Variants in BRWD3 observed in about 807,000 individuals in gnomAD.
The protein encoded by BRWD3 is bromodomain and WD repeat domain containing 3.
A neutral mutation model predicts 149.7 loss-of-function variants in BRWD3; 10 were observed. The observed-to-expected ratio is 0.07, with a 90% CI of 0.04 to 0.11. BRWD3 has a LOEUF of 0.11. BRWD3 is among the 10% of genes least tolerant of loss of function. The probability of loss-of-function intolerance (pLI) is 1.00; values close to 1 mark genes in which losing one functional copy is unlikely to be tolerated. For missense variants in BRWD3, 940 were observed against 1,373.2 expected (o/e 0.68, Z 4.99); for synonymous variants, 504 against 456.7 (o/e 1.10, Z -1.32).
rs1241004208 is a variant in BRWD3 at position 80,691,938 on chromosome X, G to C, written c.3366C>G (p.Ser1122=). ...ATAGCAAAGCAGTCAATTCTTCCTG[G>C]GAGACAGGAACACCAGCACCAACTT... The part of the protein sequence containing the change: ...PDEVGAGVPV[S]QEELTALLYK... The change falls in exon 30 of 41, where the codon TCC becomes TCG. Residue 1122 remains serine (S), a synonymous_variant. Coordinates refer to ENST00000373275, the MANE Select transcript of BRWD3 (RefSeq NM_153252.5). The C allele has an allele frequency of 1.7e-6, 2 of 1,208,736 alleles. No individual in the cohort carries two copies. The highest frequency in any genetic ancestry group is 2.3e-4 in the Middle Eastern group (1 of 4,342).
At chrX:80,701,420 C>T (rs983100372) in intron 24 of BRWD3, among the ~76,000 whole-genome samples, 2 of 106,589 alleles carry the variant, frequency 1.9e-5, no homozygotes, top group Admixed American at 2.0e-4. Flanking sequence ...TGGTGGTGCA[C>T]GCCTGTAATC....
chrX:80,809,252 G>T lies in BRWD3; in HGVS notation c.84C>A (p.Ser28=). Reference sequence around the variant, plus strand: ...ATCTCTTTCTTCCCCTTACCTGAGCGGATTTGTTGCAGGGTCCAGACTGCA... The same window carrying T: ...ATCTCTTTCTTCCCCTTACCTGAGCTGATTTGTTGCAGGGTCCAGACTGCA... ...RFLQSGPCNK[S]AQVLVQELEE... The change falls in exon 2 of 41, where the codon TCC becomes TCA. Residue 28 remains serine, a synonymous_variant. Coordinates refer to ENST00000373275, the MANE Select transcript of BRWD3 (RefSeq NM_153252.5). 1.7e-6 allele frequency: 2 copies of T among 1,199,150 alleles called. No individual in the cohort carries two copies. The highest frequency in any genetic ancestry group is 2.3e-6 in the Non-Finnish European group (2 of 888,059).
intron 14 of BRWD3, among the ~76,000 whole-genome samples, chrX:80,725,848 ATG>A (rs2073217409): frequency 9.4e-6 from 1 of 106,010 alleles, no homozygotes; most frequent in African/African-American, 3.5e-5. Context: ...CATGTGTTAC[ATG>A]CCTATATAAC....
intron 6 of BRWD3, among the ~76,000 whole-genome samples, chrX:80,747,320 A>G (rs2073606750): frequency 9.2e-6 from 1 of 109,241 alleles, no homozygotes; most frequent in African/African-American, 3.3e-5. Context: ...TGCTGTGGGG[A>G]CTTTCCATTG....
intron 6 of BRWD3, among the ~76,000 whole-genome samples, chrX:80,767,035 G>T (rs1393566796): frequency 1.8e-5 from 2 of 112,673 alleles, no homozygotes; most frequent in East Asian, 5.6e-4. Context: ...AGATCGACCT[G>T]CAAGGCAGTG....
intron 6 of BRWD3, among the ~76,000 whole-genome samples, chrX:80,778,758 A>G (rs1253883790): frequency 8.9e-6 from 1 of 112,438 alleles, no homozygotes; most frequent in Non-Finnish European, 1.9e-5. Context: ...CAGCACTTTG[A>G]GAGGCCAAGG....
intron 20 of BRWD3, among the ~76,000 whole-genome samples, chrX:80,711,253 A>G (rs2072963447): frequency 9.0e-6 from 1 of 111,489 alleles, no homozygotes; most frequent in Admixed American, 9.6e-5. Context: ...CTGATCTTTT[A>G]TTTCTCTTGC....
intron 6 of BRWD3, among the ~76,000 whole-genome samples, chrX:80,748,748 A>G (rs2073627176): frequency 3.6e-5 from 4 of 110,925 alleles, no homozygotes; most frequent in Admixed American, 9.6e-5. Flanking sequence ...TTCTGCTCCA[A>G]TCTTCCTTAT....
At chrX:80,808,487 G>T in intron 4 of BRWD3, 52 bp downstream of exon 4, 1 of 1,055,695 alleles carries the variant, frequency 9.5e-7, no homozygotes, top group Non-Finnish European at 1.3e-6. Flanking sequence ...GTACAAGGTG[G>T]GGAGGGAGTG....
At chrX:80,741,824 G>A (rs1205449154) in intron 8 of BRWD3, among the ~76,000 whole-genome samples, 1 of 111,786 alleles carries the variant, frequency 8.9e-6, no homozygotes, top group African/African-American at 3.3e-5. Context: ...TTTGTCAGAT[G>A]AGCAGGTTGC....
chrX:80,744,921 C>T (rs181602511), intron 7 of BRWD3, among the ~76,000 whole-genome samples: 21 of 111,257 alleles, frequency 1.9e-4, no homozygotes, highest in African/African-American at 2.0e-4. Flanking sequence ...AATAACTTCC[C>T]GAATAACTTC....
At chrX:80,805,204 G>A (rs2074337729) in intron 4 of BRWD3, among the ~76,000 whole-genome samples, 1 of 111,485 alleles carries the variant, frequency 9.0e-6, no homozygotes, top group Admixed American at 9.6e-5. Context: ...TATAAACACT[G>A]AATCAGATGA....
chrX:80,776,260 T>C lies in BRWD3; in HGVS notation c.430+15594A>G, dbSNP rs1470295486. ...TCAAGATCCAAAGAGTATTCCAAGA[T>C]GGTCACATCAGAGTTGTTAGACCAC... On this transcript the variant is annotated intron_variant, in intron 6 of 40. Transcript: ENST00000373275. Among the ~76,000 whole-genome samples the C allele has an allele frequency of 2.7e-5, 3 of 112,179 alleles. No homozygotes were observed. In the Admixed American group the frequency reaches 2.9e-4, roughly 11 times the overall value.
At chrX:80,807,262 T>C (rs1330065788) in intron 4 of BRWD3, among the ~76,000 whole-genome samples, 2 of 111,880 alleles carry the variant, frequency 1.8e-5, no homozygotes, top group African/African-American at 3.2e-5. Flanking sequence ...ATAATACAGA[T>C]GGTCGAGTTT....
intron 6 of BRWD3, among the ~76,000 whole-genome samples, chrX:80,786,688 T>C (rs1281638616): frequency 7.2e-5 from 8 of 111,216 alleles, no homozygotes; most frequent in Admixed American, 5.8e-4. Flanking sequence ...CTAATTTTTA[T>C]ATTTTTAGTA....
chrX:80,743,378 C>T (rs1242497463), intron 8 of BRWD3, among the ~76,000 whole-genome samples: 1 of 111,587 alleles, frequency 9.0e-6, no homozygotes, highest in Non-Finnish European at 1.9e-5. Flanking sequence ...ATGTCTCTGA[C>T]AGGCTTTGAT....
At chrX:80,766,414 C>G (rs1159824407) in intron 6 of BRWD3, among the ~76,000 whole-genome samples, 1 of 111,426 alleles carries the variant, frequency 9.0e-6, no homozygotes, top group Non-Finnish European at 1.9e-5. Flanking sequence ...ATCAATCCTA[C>G]TGATTCTGTT....
intron 37 of BRWD3, among the ~76,000 whole-genome samples, chrX:80,683,086 C>T (rs1402282158): frequency 9.0e-6 from 1 of 111,133 alleles, no homozygotes; most frequent in Non-Finnish European, 1.9e-5. Flanking sequence ...AATCCCTAGC[C>T]AAAGAACACT....
intron 6 of BRWD3, among the ~76,000 whole-genome samples, chrX:80,768,583 C>A (rs2073894483): frequency 9.0e-6 from 1 of 111,291 alleles, no homozygotes; most frequent in African/African-American, 3.3e-5. Context: ...GAAGGAAGCA[C>A]TAAACATGGA....
Sources: gnomAD v4.1 joint callset for allele counts (sites outside exome capture counted in the v4.1 genomes callset) on GRCh38, gnomAD v4.1.1 for gene constraint, MANE v1.5 for transcripts, NCBI Gene and HGNC (gene_info 2026-07-23, HGNC 2026-07-21) for gene names.